Variants in NAALADL2 observed in about 807,000 individuals in gnomAD.
NAALADL2 encodes the protein inactive N-acetylated-alpha-linked acidic dipeptidase-like protein 2.
NAALADL2 carries 76 observed loss-of-function variants against 87.2 expected under a neutral mutation model. The observed-to-expected ratio is 0.87, with a 90% CI of 0.72 to 1.05. The LOEUF (loss-of-function observed/expected upper bound fraction) is 1.05, where lower values mean the gene tolerates loss of function less well. Ranked by LOEUF, NAALADL2 falls within the 50% of genes least tolerant of loss-of-function variation. The pLI, the probability that NAALADL2 is intolerant of heterozygous loss-of-function variation, is 0.00. For synonymous variants in NAALADL2, 354 were observed against 331.0 expected (o/e 1.07, Z -0.75); for missense variants, 1,089 against 945.8 (o/e 1.15, Z -1.99).
chr3:175,741,119 A>T (rs867193065), intron 12 of NAALADL2, among the ~76,000 whole-genome samples: 1 of 152,204 alleles, frequency 6.6e-6, no homozygotes, highest in Admixed American at 6.5e-5. Flanking sequence ...TAGTCCATTC[A>T]GGCAGTTAAA....
At chr3:174,841,604 C>G (rs1724030818) in intron 3 of NAALADL2, among the ~76,000 whole-genome samples, 1 of 152,174 alleles carries the variant, frequency 6.6e-6, no homozygotes, top group Admixed American at 6.5e-5. Flanking sequence ...TGTTAGATCA[C>G]TCTGTGGCTG....
intron 2 of NAALADL2, among the ~76,000 whole-genome samples, chr3:175,102,593 T>A (rs1040308769): frequency 2.0e-5 from 3 of 152,268 alleles, no homozygotes; most frequent in African/African-American, 7.2e-5. Flanking sequence ...ACTAGACACA[T>A]TTTATTTTCT....
chr3:174,605,663 A>C (rs1422469936), intron 2 of NAALADL2, among the ~76,000 whole-genome samples: 2 of 152,140 alleles, frequency 1.3e-5, no homozygotes, highest in Non-Finnish European at 2.9e-5. Flanking sequence ...AGCAGCCAGG[A>C]AGCTCGAACT....
At chr3:175,707,489 T>A (rs1471297896) in intron 11 of NAALADL2, among the ~76,000 whole-genome samples, 1 of 152,124 alleles carries the variant, frequency 6.6e-6, no homozygotes, top group Non-Finnish European at 1.5e-5. Flanking sequence ...TTTCTCATCA[T>A]CAACTTTGTC....
rs148735875 is a variant in NAALADL2 at position 174,904,007 on chromosome 3, A to G, written c.43+44557A>G. Among the ~76,000 whole-genome samples the G allele has an allele frequency of 3.0e-3, 448 of 151,588 alleles. 4 individuals carry two copies. Among genetic ancestry groups the G allele is most frequent in the African/African-American group, 0.01 (430 of 41,320 alleles). On this transcript the variant is annotated intron_variant, in intron 1 of 13. Transcript: ENST00000454872. ...TATTTCTATATCTATATCTATATCTATATCTGTATCTATTTGAGTTTCTAG... is the reference window on the plus strand; with the variant it reads ...TATTTCTATATCTATATCTATATCTGTATCTGTATCTATTTGAGTTTCTAG...
chr3:174,974,921 T>A (rs1024941901), intron 1 of NAALADL2, among the ~76,000 whole-genome samples: 4 of 152,202 alleles, frequency 2.6e-5, no homozygotes, highest in African/African-American at 9.6e-5. Context: ...TTGCTTTTTT[T>A]AAAGACAATT....
chr3:174,484,954 G>T (rs921155433), intron 1 of NAALADL2, among the ~76,000 whole-genome samples: 2 of 151,960 alleles, frequency 1.3e-5, no homozygotes, highest in African/African-American at 2.4e-5. Flanking sequence ...GTAAAGAGTA[G>T]AAATGAATAT....
At chr3:174,460,970 G>C (rs1399554467) in intron 1 of NAALADL2, among the ~76,000 whole-genome samples, 1 of 151,734 alleles carries the variant, frequency 6.6e-6, no homozygotes, top group Non-Finnish European at 1.5e-5. Flanking sequence ...CCCTTGTTCC[G>C]TACTACTAGT....
chr3:174,733,416 C>T (rs564022471), intron 2 of NAALADL2, among the ~76,000 whole-genome samples: 2 of 152,334 alleles, frequency 1.3e-5, no homozygotes, highest in African/African-American at 2.4e-5. Context: ...CATGACTTTT[C>T]ATCTGTCTAA....
intron 6 of NAALADL2, among the ~76,000 whole-genome samples, chr3:175,447,832 CT>C (rs1440339325): frequency 6.6e-6 from 1 of 152,168 alleles, no homozygotes; most frequent in Non-Finnish European, 1.5e-5. Flanking sequence ...CCGAGAGATG[CT>C]TCTTGTACTG....
At chr3:175,032,099 C>A (rs1752864748) in intron 1 of NAALADL2, among the ~76,000 whole-genome samples, 1 of 151,876 alleles carries the variant, frequency 6.6e-6, no homozygotes, top group Non-Finnish European at 1.5e-5. Flanking sequence ...TTTTGGTGTG[C>A]AGAAGCTCTT....
At chr3:175,324,470 A>G (rs1249753018) in intron 5 of NAALADL2, 145 bp downstream of exon 5, 10 of 654,414 alleles carry the variant, frequency 1.5e-5, no homozygotes, top group Non-Finnish European at 2.2e-5. Flanking sequence ...TTTATTTTTT[A>G]TCTTCTCATA....
intron 2 of NAALADL2, among the ~76,000 whole-genome samples, chr3:174,640,841 A>G (rs1723104235): frequency 1.3e-5 from 2 of 152,084 alleles, no homozygotes. Context: ...AGGAGAGGGC[A>G]CTCCATTGTT....
chr3:174,505,733 A>G (rs1349532000), intron 1 of NAALADL2, among the ~76,000 whole-genome samples: 1 of 152,170 alleles, frequency 6.6e-6, no homozygotes, highest in East Asian at 1.9e-4. Flanking sequence ...CATAGATTGT[A>G]CTTTATGTAA....
chr3:175,135,028 G>C (rs1728894610), intron 2 of NAALADL2, among the ~76,000 whole-genome samples: 1 of 152,112 alleles, frequency 6.6e-6, no homozygotes, highest in Non-Finnish European at 1.5e-5. Context: ...TATTATCGGA[G>C]ATATAGAGTA....
chr3:174,924,208 C>T (rs1579550168), intron 1 of NAALADL2, among the ~76,000 whole-genome samples: 1 of 111,118 alleles, frequency 9.0e-6, no homozygotes, highest in East Asian at 3.4e-4. Context: ...CTATCCCTCC[C>T]CCCTCCCCCC....
At chr3:175,585,619 T>G (rs1000183612) in intron 10 of NAALADL2, among the ~76,000 whole-genome samples, 1 of 152,152 alleles carries the variant, frequency 6.6e-6, no homozygotes, top group South Asian at 2.1e-4. Flanking sequence ...CTAGATTCTA[T>G]GCATCCAAAA....
At chr3:174,566,592 T>C (rs1714296192) in intron 2 of NAALADL2, among the ~76,000 whole-genome samples, 1 of 151,774 alleles carries the variant, frequency 6.6e-6, no homozygotes, top group African/African-American at 2.4e-5. Context: ...TCGTTCTCTG[T>C]TTAAAGTTAT....
intron 2 of NAALADL2, among the ~76,000 whole-genome samples, chr3:175,171,210 A>T (rs1734752672): frequency 6.6e-6 from 1 of 152,024 alleles, no homozygotes; most frequent in Non-Finnish European, 1.5e-5. Context: ...ATACTACCTT[A>T]TTGTGTCAGA....
Sources: allele counts gnomAD v4.1 joint callset (sites outside exome capture counted in the v4.1 genomes callset), GRCh38; gene constraint gnomAD v4.1.1; transcripts MANE v1.5; gene names NCBI Gene and HGNC (gene_info 2026-07-23, HGNC 2026-07-21).